BBS1: variants seen among roughly 807,000 people sequenced by gnomAD.
BBS1 encodes Bardet-Biedl syndrome 1.
BBS1 carries 60 observed loss-of-function variants against 73.9 expected under a neutral mutation model. The ratio of observed to expected loss-of-function variants is 0.81; its 90% confidence interval spans 0.66 to 1.01. The LOEUF (loss-of-function observed/expected upper bound fraction) is 1.01, where lower values mean the gene tolerates loss of function less well. Ranked by LOEUF, BBS1 falls within the 50% of genes least tolerant of loss-of-function variation. The probability of loss-of-function intolerance (pLI) is 0.00; values close to 1 mark genes in which losing one functional copy is unlikely to be tolerated. For missense variants in BBS1, 718 were observed against 770.3 expected (o/e 0.93, Z 0.80); for synonymous variants, 283 against 317.4 (o/e 0.89, Z 1.15).
chr11:66,521,418 A>C (rs771843780), intron 9 of BBS1, 42 bp downstream of exon 9: 13 of 1,511,992 alleles, frequency 8.6e-6, no homozygotes, highest in African/African-American at 1.4e-5. Flanking sequence ...GGAACATCTC[A>C]GAAAACTGGT....
At chr11:66,522,220 AAAAAG>A (rs1413908742) in intron 9 of BBS1, among the ~76,000 whole-genome samples, 1 of 152,128 alleles carries the variant, frequency 6.6e-6, no homozygotes, top group Non-Finnish European at 1.5e-5. Context: ...TGTCTCAAAA[AAAAAG>A]AAAAGGAAAC....
chr11:66,512,516 G>A (rs1855974561), intron 3 of BBS1, among the ~76,000 whole-genome samples: 1 of 152,180 alleles, frequency 6.6e-6, no homozygotes, highest in South Asian at 2.1e-4. Flanking sequence ...CCTACTGTGT[G>A]TCAGGCATCA....
At chr11:66,530,866 G>A (rs761910431) in intron 14 of BBS1, 28 bp from the exon 15 acceptor site, 5 of 1,614,200 alleles carry the variant, frequency 3.1e-6, no homozygotes, top group Non-Finnish European at 4.2e-6. Context: ...CAGGTCCTAA[G>A]GGCTTTCTCC....
At chr11:66,527,139 G>A in intron 13 of BBS1, 1 of 868,484 alleles carries the variant, frequency 1.2e-6, no homozygotes, top group Non-Finnish European at 1.8e-6. Flanking sequence ...CACTTTGGCA[G>A]AGGTGGGAGG....
At chr11:66,529,725 C>T (rs986934681) in intron 13 of BBS1, 94 bp from the exon 14 acceptor site, 2 of 1,506,170 alleles carry the variant, frequency 1.3e-6, no homozygotes, top group African/African-American at 2.7e-5. Context: ...CTCTTGCACC[C>T]TCCCCACACC....
At chr11:66,510,931 A>G in intron 1 of BBS1, 82 bp from the exon 2 acceptor site, 6 of 1,496,562 alleles carry the variant, frequency 4.0e-6, no homozygotes, top group Non-Finnish European at 4.7e-6. Flanking sequence ...TTATGTTCAG[A>G]GTGACCTGTA....
At position 66,531,943 on chromosome 11, in the gene BBS1, C is replaced by T; in HGVS notation, c.1696-8C>T. 1 of 1,582,396 alleles carries T rather than the reference C, an allele frequency of 6.3e-7. No homozygotes were observed. Among genetic ancestry groups the T allele is most frequent in the Non-Finnish European group, 8.6e-7 (1 of 1,164,674 alleles). Reference sequence around the variant, plus strand: ...ATGCCCCCTGCTGCCATGGCCACTCCTCCATAGGTGCTGGTGCTTCGAGAA... The same window carrying T: ...ATGCCCCCTGCTGCCATGGCCACTCTTCCATAGGTGCTGGTGCTTCGAGAA... On this transcript the variant is annotated splice_region_variant and splice_polypyrimidine_tract_variant and intron_variant, in intron 16 of 16. Coordinates refer to ENST00000318312, the MANE Select transcript of BBS1 (RefSeq NM_024649.5).
chr11:66,518,355 C>G (rs888042624), intron 7 of BBS1, among the ~76,000 whole-genome samples: 17 of 151,458 alleles, frequency 1.1e-4, no homozygotes, highest in Admixed American at 7.9e-4. Flanking sequence ...TTTCCCAGGT[C>G]CAAGCAATTC....
rs1413396159 is a variant in BBS1 at position 66,524,215 on chromosome 11, G to C, written c.1110+333G>C. 4 of 372,456 alleles carry C rather than the reference G, an allele frequency of 1.1e-5. No homozygotes were observed. The highest frequency in any genetic ancestry group is 2.1e-5 in the Non-Finnish European group (4 of 191,542). The allele number at this position is 372,456 out of a possible 1,614,324, so 23.1% of individuals were successfully genotyped here. ...GAATCGCTTGAGCCTGGGAGGCGGA[G>C]GTTGCAGTGAGCCAAGATCAAACCA... On this transcript the variant is annotated intron_variant, in intron 11 of 16. Transcript: ENST00000318312.
Position 66,531,707 on chromosome 11 carries a change from A to T in BBS1, c.1660A>T (p.Ser554Cys), listed in dbSNP as rs184614863. ...LNYPLETFVE[S>C]LSNKGISDII... ...CTACCCCCTGGAGACCTTTGTGGAG[A>T]GTCTCAGTAACAAGGGCATCTCAGA... The change falls in exon 16 of 17, where the codon AGT becomes TGT. Residue 554 changes from serine to cysteine, a missense_variant. Coordinates refer to ENST00000318312, the MANE Select transcript of BBS1 (RefSeq NM_024649.5). 1.7e-5 allele frequency: 27 copies of T among 1,613,920 alleles called. No homozygotes were observed. The Middle Eastern group carries it at 4.9e-4, about 30-fold the overall frequency.
intron 11 of BBS1, among the ~76,000 whole-genome samples, chr11:66,525,563 C>CA (rs879584801): frequency 1.3e-4 from 20 of 150,898 alleles, no homozygotes; most frequent in Non-Finnish European, 2.4e-4. Flanking sequence ...GACTCCATCT[C>CA]AAAAAAAAAG....
intron 13 of BBS1, among the ~76,000 whole-genome samples, chr11:66,528,797 C>T (rs138604681): frequency 0.02 from 3,009 of 151,870 alleles, 87 homozygotes; most frequent in African/African-American, 0.068. Flanking sequence ...GGTGAAACCC[C>T]GTCTCTACTA....
intron 15 of BBS1, 136 bp downstream of exon 15, chr11:66,531,164 A>C: frequency 8.0e-7 from 1 of 1,250,224 alleles, no homozygotes; most frequent in Non-Finnish European, 1.1e-6. Flanking sequence ...CTACTCTCCC[A>C]CCACAGACCA....
chr11:66,528,095 T>A (rs1856598966), intron 13 of BBS1, among the ~76,000 whole-genome samples: 1 of 152,122 alleles, frequency 6.6e-6, no homozygotes, highest in Non-Finnish European at 1.5e-5. Flanking sequence ...CTGGGCATGG[T>A]GGCACACGCC....
At position 66,512,782 on chromosome 11, in the gene BBS1, G is replaced by C. The variant is rs1855979110; in HGVS notation, c.159+1543G>C. On this transcript the variant is annotated intron_variant, in intron 3 of 16. Coordinates refer to ENST00000318312, the MANE Select transcript of BBS1 (RefSeq NM_024649.5). ...AGGTCAGGAGTTTGAGACCAGCCTG[G>C]ACAACATGGTGAAACCCTGTCTGTA... Among the ~76,000 whole-genome samples, 4 of 152,006 alleles carry C rather than the reference G, an allele frequency of 2.6e-5. No individual in the cohort carries two copies. The South Asian group carries it at 8.3e-4, about 32-fold the overall frequency.
Position 66,527,245 on chromosome 11 carries a change from G to C in BBS1, c.1339+438G>C, listed in dbSNP as rs556880343. Among the ~76,000 whole-genome samples, 4 of 151,758 alleles carry C rather than the reference G, an allele frequency of 2.6e-5. No homozygotes were observed. In the East Asian group the frequency reaches 7.8e-4, roughly 29 times the overall value. On this transcript the variant is annotated intron_variant, in intron 13 of 16. Transcript: ENST00000318312. ...AGAGAGAGAGAGAAAGAGAAAAGTA[G>C]AATTTGACCAGTGTCATCTTGTCCA...
intron 7 of BBS1, 57 bp downstream of exon 7, chr11:66,515,990 A>G: frequency 6.5e-7 from 1 of 1,548,514 alleles, no homozygotes; most frequent in South Asian, 1.1e-5. Context: ...TTTTTAAAAG[A>G]CCACTTAACA....
intron 4 of BBS1, 143 bp downstream of exon 4, chr11:66,514,821 T>G (rs2134771880): frequency 1.3e-6 from 1 of 780,588 alleles, no homozygotes; most frequent in South Asian, 1.8e-5. Context: ...TGATGGCACT[T>G]TTTTTTTTTT....
At position 66,527,009 on chromosome 11, in the gene BBS1, G is replaced by A. The variant is rs753216680; in HGVS notation, c.1339+202G>A. On this transcript the variant is annotated intron_variant, in intron 13 of 16. Coordinates refer to ENST00000318312, the MANE Select transcript of BBS1 (RefSeq NM_024649.5). ...ACTGTTCCTCAGGCTGGAAGGTGCT[G>A]TGGGTGACAGCAAGAGCCCTTAGAA... 6 of 1,537,096 alleles carry A rather than the reference G, an allele frequency of 3.9e-6. No individual in the cohort carries two copies. The African/African-American group carries it at 8.2e-5, about 21-fold the overall frequency.
Sources: gnomAD v4.1 joint callset for allele counts (sites outside exome capture counted in the v4.1 genomes callset) on GRCh38, gnomAD v4.1.1 for gene constraint, MANE v1.5 for transcripts, NCBI Gene and HGNC (gene_info 2026-07-23, HGNC 2026-07-21) for gene names.